The following RAB3B variants were observed in gnomAD, a reference collection of about 807,000 sequenced individuals.
The protein encoded by RAB3B is RAB3B, member RAS oncogene family.
A neutral mutation model predicts 20.5 loss-of-function variants in RAB3B; 11 were observed. The ratio of observed to expected loss-of-function variants is 0.54; its 90% confidence interval spans 0.34 to 0.89. The LOEUF (loss-of-function observed/expected upper bound fraction) is 0.89. Among genes scored for constraint, RAB3B ranks in the 40% least tolerant of loss-of-function variants. The pLI, the probability that RAB3B is intolerant of heterozygous loss-of-function variation, is 0.02. For synonymous variants in RAB3B, 99 were observed against 106.3 expected (o/e 0.93, Z 0.42); for missense variants, 225 against 280.9 (o/e 0.80, Z 1.42).
chr1:51,949,977 C>T (rs1332194906), intron 2 of RAB3B, among the ~76,000 whole-genome samples: 2 of 152,186 alleles, frequency 1.3e-5, no homozygotes, highest in Non-Finnish European at 2.9e-5. Context: ...AGTGACGAAA[C>T]AGCTCTCAGT....
intron 4 of RAB3B, 68 bp downstream of exon 4, chr1:51,933,250 C>A: frequency 6.5e-7 from 1 of 1,537,944 alleles, no homozygotes; most frequent in Non-Finnish European, 8.9e-7. Flanking sequence ...CACTCGTACC[C>A]TGTTTACCCC....
chr1:51,949,719 G>GA (rs1684611636), intron 2 of RAB3B, among the ~76,000 whole-genome samples: 1 of 152,194 alleles, frequency 6.6e-6, no homozygotes, highest in Admixed American at 6.6e-5. Flanking sequence ...CAGCCCAACA[G>GA]ACAGTGGCAT....
At chr1:51,972,975 A>G (rs1456863746) in intron 2 of RAB3B, among the ~76,000 whole-genome samples, 1 of 152,184 alleles carries the variant, frequency 6.6e-6, no homozygotes, top group African/African-American at 2.4e-5. Context: ...GATACACAAA[A>G]AAATTCACTT....
chr1:51,981,391 A>ATT (rs1685085869), intron 1 of RAB3B, among the ~76,000 whole-genome samples: 1 of 152,178 alleles, frequency 6.6e-6, no homozygotes, highest in Non-Finnish European at 1.5e-5. Context: ...TTTACACTGA[A>ATT]AAGTAAGTCT....
intron 1 of RAB3B, among the ~76,000 whole-genome samples, chr1:51,986,626 TA>T (rs1217714873): frequency 6.6e-6 from 1 of 151,646 alleles, no homozygotes; most frequent in African/African-American, 2.4e-5. Flanking sequence ...AAATAAAAAT[TA>T]AAAAAAAGAA....
At position 51,957,481 on chromosome 1, in the gene RAB3B, T is replaced by C. The variant is rs200915275; in HGVS notation, c.228+19409A>G. Among the ~76,000 whole-genome samples, 7 of 152,344 alleles carry C rather than the reference T, an allele frequency of 4.6e-5. 1 individual carries two copies. In the East Asian group the frequency reaches 9.6e-4, roughly 21 times the overall value. On this transcript the variant is annotated intron_variant, in intron 2 of 4. Coordinates refer to ENST00000371655, the MANE Select transcript of RAB3B (RefSeq NM_002867.4). ...TTTTGGGGTCAAGCAAATTCTAGCT[T>C]TGCCACTTCTTGGCATGTGACCTTG...
intron 2 of RAB3B, among the ~76,000 whole-genome samples, chr1:51,965,238 GA>G (rs370631209): frequency 2.0e-5 from 3 of 149,640 alleles, no homozygotes; most frequent in Admixed American, 6.7e-5. Context: ...AAAAAGAAAC[GA>G]AAAAAAGAAA....
chr1:51,960,417 G>A (rs12028371), intron 2 of RAB3B, among the ~76,000 whole-genome samples: 1,927 of 152,264 alleles, frequency 0.013, 42 homozygotes, highest in East Asian at 0.082. Flanking sequence ...GAGCCCCTGC[G>A]TCATTAGCAC....
chr1:51,933,746 G>A (rs529911931), intron 3 of RAB3B, among the ~76,000 whole-genome samples: 1 of 152,264 alleles, frequency 6.6e-6, no homozygotes, highest in Admixed American at 6.5e-5. Flanking sequence ...AGAACTGTGA[G>A]AAAGAAATGT....
Position 51,920,007 on chromosome 1 carries a change from C to T in RAB3B, c.580G>A (p.Asp194Asn). The change falls in exon 5 of 5, where the codon GAC becomes AAC. Residue 194 changes from aspartate (D) to asparagine (N), a missense_variant. Asp to Asn is a conservative substitution (Grantham distance 23, BLOSUM62 1). Coordinates refer to ENST00000371655, the MANE Select transcript of RAB3B (RefSeq NM_002867.4). ...TTGGAGGAGCCCAGCATCGACGGGTCTGTGTCCAGCGAATCAGACATCTTG... is the reference window on the plus strand; with the variant it reads ...TTGGAGGAGCCCAGCATCGACGGGTTTGTGTCCAGCGAATCAGACATCTTG... ...CDKMSDSLDT[D>N]PSMLGSSKNT... is the part of the protein sequence containing the mutation. 6.2e-7 allele frequency: 1 copy of T among 1,614,176 alleles called. No individual in the cohort carries two copies. Among genetic ancestry groups the T allele is most frequent in the Non-Finnish European group, 8.5e-7 (1 of 1,180,036 alleles).
chr1:51,959,829 A>G (rs1430839948), intron 2 of RAB3B, among the ~76,000 whole-genome samples: 4 of 152,252 alleles, frequency 2.6e-5, no homozygotes, highest in African/African-American at 7.2e-5. Context: ...GGTGTCGGGT[A>G]AATGGGAACT....
chr1:51,908,643 C>CA lies in RAB3B; in HGVS notation c.*11283dup, dbSNP rs1223357072. On this transcript the variant is annotated 3_prime_UTR_variant, in exon 5 of 5. Coordinates refer to ENST00000371655, the MANE Select transcript of RAB3B (RefSeq NM_002867.4). ...CAGAGGAAGTCATACGTAGACAAAACAGATGTTTAGGTTTTCTCTTCAGCA... is the reference window on the plus strand; with the variant it reads ...CAGAGGAAGTCATACGTAGACAAAACAAGATGTTTAGGTTTTCTCTTCAGCA... 1 of 151,918 alleles carries CA rather than the reference C, an allele frequency of 6.6e-6. No homozygotes were observed. The highest frequency in any genetic ancestry group is 1.5e-5 in the Non-Finnish European group (1 of 68,028). 9.4% of individuals were successfully genotyped at this position (151,918 alleles called of 1,614,324 possible). A position where few individuals can be genotyped will look rare whatever the true frequency, so the allele number is the denominator to read the frequency against.
Position 51,979,337 on chromosome 1 carries a change from CT to C in RAB3B, c.1-2221del, listed in dbSNP as rs575832149. 4.0e-3 allele frequency among the ~76,000 whole-genome samples: 607 copies of C among 151,392 alleles called. 3 individuals carry two copies. Among genetic ancestry groups the C allele is most frequent in the African/African-American group, 0.014 (576 of 41,144 alleles). On this transcript the variant is annotated intron_variant, in intron 1 of 4. Coordinates refer to ENST00000371655, the MANE Select transcript of RAB3B (RefSeq NM_002867.4). ...CCAGGCTGGAGTGCAGTGGTGCAGC[CT>C]TGGCTCACTGCAACCTCTGCCCCCT...
intron 2 of RAB3B, among the ~76,000 whole-genome samples, chr1:51,942,737 A>AT (rs1408066750): frequency 6.6e-6 from 1 of 152,106 alleles, no homozygotes; most frequent in Non-Finnish European, 1.5e-5. Context: ...CAGATATTGC[A>AT]TTTTTTACAG....
At chr1:51,940,058 C>G (rs1684469445) in intron 2 of RAB3B, among the ~76,000 whole-genome samples, 1 of 152,192 alleles carries the variant, frequency 6.6e-6, no homozygotes, top group Admixed American at 6.5e-5. Flanking sequence ...TCCACAAATA[C>G]TAGAAAACCC....
At chr1:51,952,878 T>C (rs1245996900) in intron 2 of RAB3B, among the ~76,000 whole-genome samples, 1 of 152,182 alleles carries the variant, frequency 6.6e-6, no homozygotes, top group Non-Finnish European at 1.5e-5. Context: ...TCCCTTCAGC[T>C]CTGCCGGTTC....
intron 2 of RAB3B, among the ~76,000 whole-genome samples, chr1:51,939,759 G>A (rs150240884): frequency 3.5e-4 from 53 of 152,176 alleles, no homozygotes; most frequent in African/African-American, 1.1e-3. Flanking sequence ...TACTTTTGTA[G>A]AGACAAGGTC....
At chr1:51,961,694 G>A (rs1266916358) in intron 2 of RAB3B, among the ~76,000 whole-genome samples, 1 of 152,164 alleles carries the variant, frequency 6.6e-6, no homozygotes, top group Admixed American at 6.5e-5. Context: ...ACCATTTACA[G>A]AGTGCTTTAC....
intron 2 of RAB3B, among the ~76,000 whole-genome samples, chr1:51,953,290 T>C (rs79841767): frequency 0.014 from 2,110 of 152,262 alleles, 37 homozygotes; most frequent in African/African-American, 0.047. Flanking sequence ...CCACCTGCTG[T>C]ACCCTTTATG....
Sources: gnomAD v4.1 joint callset for allele counts (sites outside exome capture counted in the v4.1 genomes callset) on GRCh38, gnomAD v4.1.1 for gene constraint, MANE v1.5 for transcripts, NCBI Gene and HGNC (gene_info 2026-07-23, HGNC 2026-07-21) for gene names.